RHEX: variants seen among roughly 807,000 people sequenced by gnomAD.
The protein encoded by RHEX is regulator of hemoglobinization and erythroid cell expansion protein.
A neutral mutation model predicts 20.1 loss-of-function variants in RHEX; 18 were observed. The ratio of observed to expected loss-of-function variants is 0.90; its 90% CI spans 0.62 to 1.33. The LOEUF (loss-of-function observed/expected upper bound fraction) is 1.33, where lower values mean the gene tolerates loss of function less well. Among genes scored for constraint, RHEX ranks in the 40% most tolerant of loss-of-function variants. RHEX has a pLI of 0.00. For missense variants in RHEX, 192 were observed against 214.3 expected, an observed-to-expected ratio of 0.90 and a Z score of 0.65; for synonymous variants, 87 against 77.1, an observed-to-expected ratio of 1.13 and a Z score of -0.67.
At chr1:206,071,909 G>A (rs28372502) in intron 1 of RHEX, among the ~76,000 whole-genome samples, 12,860 of 151,444 alleles carry the variant, frequency 0.085, 1,366 homozygotes, top group African/African-American at 0.25. Flanking sequence ...ACAACTGATT[G>A]TAACTGATTA....
intron 1 of RHEX, among the ~76,000 whole-genome samples, chr1:206,091,007 T>C (rs945376399): frequency 3.9e-5 from 6 of 152,228 alleles, no homozygotes; most frequent in African/African-American, 1.4e-4. Flanking sequence ...GACTTCTCCT[T>C]GCCCAAAACT....
intron 4 of RHEX, 129 bp from the exon 5 acceptor site, chr1:206,101,007 C>A: frequency 1.6e-6 from 1 of 642,430 alleles, no homozygotes; most frequent in Non-Finnish European, 2.7e-6. Context: ...TCCCTACCCC[C>A]CCTTTTTGTT....
At chr1:206,093,927 C>T (rs1663011777) in intron 1 of RHEX, among the ~76,000 whole-genome samples, 1 of 152,120 alleles carries the variant, frequency 6.6e-6, no homozygotes, top group South Asian at 2.1e-4. Flanking sequence ...GATTCTTCCA[C>T]CTCGCTCTCC....
rs1662475015 is a variant in RHEX at position 206,068,706 on chromosome 1, A to G, written c.-97+15441A>G. The stretch of plus-strand genomic sequence containing the variant: ...TATATAAATCTTAATGGATAGGTTG[A>G]CCTCAGCATAAAACTTGGGTGGAAA... On this transcript the variant is annotated intron_variant, in intron 1 of 5. Coordinates refer to ENST00000331555, the MANE Select transcript of RHEX (RefSeq NM_001007544.4). Among the ~76,000 whole-genome samples the G allele has an allele frequency of 2.0e-5, 3 of 152,324 alleles. No individual in the cohort carries two copies. The South Asian group carries it at 6.2e-4, about 32-fold the overall frequency.
At chr1:206,073,835 A>G (rs541373833) in intron 1 of RHEX, among the ~76,000 whole-genome samples, 3 of 152,188 alleles carry the variant, frequency 2.0e-5, no homozygotes, top group African/African-American at 7.2e-5. Flanking sequence ...CCTCCAGTCT[A>G]TTCTCCACAT....
intron 1 of RHEX, among the ~76,000 whole-genome samples, chr1:206,064,200 C>T (rs1316586655): frequency 1.8e-4 from 26 of 147,074 alleles, no homozygotes; most frequent in Admixed American, 4.7e-4. Context: ...GCCCGGCAGC[C>T]GCCCCGTCTG....
intron 1 of RHEX, among the ~76,000 whole-genome samples, chr1:206,059,666 C>T (rs1386804990): frequency 6.6e-6 from 1 of 152,126 alleles, no homozygotes; most frequent in Non-Finnish European, 1.5e-5. Flanking sequence ...GTCCTGGCTA[C>T]AGCACTTGCC....
intron 1 of RHEX, among the ~76,000 whole-genome samples, chr1:206,065,060 A>C (rs898202213): frequency 2.0e-5 from 3 of 152,084 alleles, no homozygotes; most frequent in African/African-American, 4.8e-5. Context: ...TGCTTTGTTA[A>C]ACAGATGCTT....
chr1:206,086,313 T>C (rs28613322), intron 1 of RHEX, among the ~76,000 whole-genome samples: 2,342 of 152,288 alleles, frequency 0.015, 54 homozygotes, highest in African/African-American at 0.053. Context: ...CTCTGGTACC[T>C]ATATATGCCA....
chr1:206,085,705 T>G (rs1553286353), intron 1 of RHEX, among the ~76,000 whole-genome samples: 2 of 152,218 alleles, frequency 1.3e-5, no homozygotes, highest in African/African-American at 4.8e-5. Context: ...AAAGTTGCTC[T>G]TTCTCACTTT....
chr1:206,096,829 C>G (rs1225205494), intron 1 of RHEX, among the ~76,000 whole-genome samples: 2 of 144,938 alleles, frequency 1.4e-5, no homozygotes, highest in Admixed American at 1.4e-4. Context: ...GGCTGGAATG[C>G]AGTAGCACCA....
intron 1 of RHEX, among the ~76,000 whole-genome samples, chr1:206,064,227 T>C (rs1263895735): frequency 2.0e-5 from 3 of 147,688 alleles, no homozygotes; most frequent in Non-Finnish European, 3.0e-5. Flanking sequence ...GAGGAGCGTC[T>C]CTGCCCGGCA....
intron 1 of RHEX, among the ~76,000 whole-genome samples, chr1:206,055,688 C>A (rs1021610226): frequency 9.9e-5 from 15 of 152,260 alleles, no homozygotes; most frequent in African/African-American, 3.4e-4. Context: ...TTACACCCAA[C>A]AGCAATGAGC....
intron 1 of RHEX, among the ~76,000 whole-genome samples, chr1:206,084,362 G>A (rs1662794253): frequency 6.6e-6 from 1 of 152,234 alleles, no homozygotes; most frequent in Non-Finnish European, 1.5e-5. Context: ...GCCGAGGACT[G>A]TTCAAAGAAT....
intron 1 of RHEX, among the ~76,000 whole-genome samples, chr1:206,070,470 GA>G (rs112394727): frequency 5.3e-5 from 8 of 150,628 alleles, no homozygotes; most frequent in African/African-American, 1.5e-4. Flanking sequence ...CATCCCCAAA[GA>G]AAAAAAAATG....
intron 1 of RHEX, among the ~76,000 whole-genome samples, chr1:206,077,791 T>C (rs1553285429): frequency 6.6e-6 from 1 of 152,214 alleles, no homozygotes; most frequent in Non-Finnish European, 1.5e-5. Context: ...AGATGCTACG[T>C]AGTTGCTTAG....
chr1:206,069,272 C>T (rs1388355182), intron 1 of RHEX, among the ~76,000 whole-genome samples: 10 of 152,152 alleles, frequency 6.6e-5, no homozygotes, highest in South Asian at 2.1e-4. Context: ...CATCTTTCAA[C>T]GCACAGGACA....
chr1:206,082,867 A>G (rs1208097245), intron 1 of RHEX, among the ~76,000 whole-genome samples: 2 of 152,156 alleles, frequency 1.3e-5, no homozygotes, highest in Non-Finnish European at 2.9e-5. Flanking sequence ...TCTGTTTTAT[A>G]TCTGGGTCAT....
intron 1 of RHEX, among the ~76,000 whole-genome samples, chr1:206,097,131 G>A (rs1367620826): frequency 2.6e-5 from 4 of 152,074 alleles, no homozygotes; most frequent in African/African-American, 7.2e-5. Flanking sequence ...GGGCAATATC[G>A]GATTTTTCTA....
Sources: allele counts gnomAD v4.1 joint callset (sites outside exome capture counted in the v4.1 genomes callset), GRCh38; gene constraint gnomAD v4.1.1; transcripts MANE v1.5; gene names NCBI Gene and HGNC (gene_info 2026-07-23, HGNC 2026-07-21).